KMT2D: variants seen among roughly 807,000 people sequenced by gnomAD.
KMT2D encodes lysine methyltransferase 2D.
A neutral mutation model predicts 512.7 loss-of-function variants in KMT2D; 55 were observed. The ratio of observed to expected loss-of-function variants is 0.11; its 90% CI spans 0.09 to 0.13. The LOEUF is 0.13. Ranked by LOEUF, KMT2D falls within the 10% of genes least tolerant of loss-of-function variation. KMT2D has a pLI of 1.00. For synonymous variants in KMT2D, 2,995 were observed against 2,904.0 expected (o/e 1.03, Z -1.01); for missense variants, 6,061 against 7,127.9 (o/e 0.85, Z 5.39).
Position 49,042,957 on chromosome 12 carries a change from AG to A in KMT2D, c.5645-80del, listed in dbSNP as rs1236904093. 6.9e-6 allele frequency: 11 copies of A among 1,592,764 alleles called. No homozygotes were observed. Among genetic ancestry groups the A allele is most frequent in the African/African-American group, 1.3e-5 (1 of 74,430 alleles). On this transcript the variant is annotated intron_variant, in intron 26 of 54. Transcript: ENST00000301067. This position sits in a 1 kb window ranked among gnomAD's most constrained non-coding sequence, Gnocchi z 4.4. The stretch of plus-strand genomic sequence containing the variant: ...CACAGGTCTACAAATGATCATGGCC[AG>A]GAACAGTCCAGGACTCCCCACCAGA...
At chr12:49,056,298 T>TG in intron 1 of KMT2D, among the ~76,000 whole-genome samples, 1 of 152,074 alleles carries the variant, frequency 6.6e-6, no homozygotes, top group East Asian at 1.9e-4. Context: ...CACACATACA[T>TG]GGGGGTGGGG....
rs2120611366 is a variant in KMT2D at position 49,046,695 on chromosome 12, G to C, written c.4332C>G (p.Leu1444=). The C allele has an allele frequency of 6.2e-7, 1 of 1,613,958 alleles. No homozygotes were observed. Among genetic ancestry groups the C allele is most frequent in the Non-Finnish European group, 8.5e-7 (1 of 1,179,892 alleles). ...GQASDPSRLL[L]CDDCDISYHT... ...GGTAGCTAATATCACAGTCATCACAGAGCAGCAGGCGTGAGGGGTCGGAGG... is the reference window on the plus strand; with the variant it reads ...GGTAGCTAATATCACAGTCATCACACAGCAGCAGGCGTGAGGGGTCGGAGG... The change falls in exon 16 of 55, where the codon CTC becomes CTG. Residue 1444 remains leucine, a synonymous_variant. Transcript: ENST00000301067. The surrounding 1 kb of genome is among the most constrained non-coding windows in gnomAD (Gnocchi z 4.2).
chr12:49,028,280 C>T, intron 46 of KMT2D, 139 bp from the exon 47 acceptor site: 1 of 1,043,162 alleles, frequency 9.6e-7, no homozygotes, highest in East Asian at 2.6e-5. Flanking sequence ...CAGCTCTTTT[C>T]ATACACTTCC....
At position 49,042,424 on chromosome 12, in the gene KMT2D, A is replaced by C. The variant is rs537134680; in HGVS notation, c.5868-94T>G. 1 of 1,504,138 alleles carries C rather than the reference A, an allele frequency of 6.6e-7. No homozygotes were observed. The allele number at this position is 1,504,138 out of a possible 1,614,324, so 93.2% of individuals were successfully genotyped here. On this transcript the variant is annotated intron_variant, in intron 28 of 54. Transcript: ENST00000301067. This position sits in a 1 kb window ranked among gnomAD's most constrained non-coding sequence, Gnocchi z 4.4. Reference sequence around the variant, plus strand: ...AGCCCCAGGCCACTGCCCTGCCCCAAAAGAGGAGGGTCACTAACAAGGGAA... The same window carrying C: ...AGCCCCAGGCCACTGCCCTGCCCCACAAGAGGAGGGTCACTAACAAGGGAA...
At chr12:49,031,146 A>G (rs1394793734) in intron 40 of KMT2D, 29 bp downstream of exon 40, 2 of 1,606,826 alleles carry the variant, frequency 1.2e-6, no homozygotes, top group Admixed American at 3.3e-5. Flanking sequence ...GACCCACTCT[A>G]CCTGCTCCAC....
At position 49,020,787 on chromosome 12, in the gene KMT2D, G is replaced by C. The variant is rs1942285601; in HGVS notation, c.*993C>G. On this transcript the variant is annotated 3_prime_UTR_variant, in exon 55 of 55. Coordinates refer to ENST00000301067, the MANE Select transcript of KMT2D (RefSeq NM_003482.4). ...TGGAGGGCAAACAGGCTCATGATGA[G>C]GTTGGGAAAACAGGAGGGAGATATC... 4.9e-6 allele frequency: 1 copy of C among 205,906 alleles called. No homozygotes were observed. Among genetic ancestry groups the C allele is most frequent in the Non-Finnish European group, 1.0e-5 (1 of 100,324 alleles). The allele number at this position is 205,906 out of a possible 1,614,324, so 12.8% of individuals were successfully genotyped here.
intron 38 of KMT2D, 30 bp downstream of exon 38, chr12:49,034,380 C>T (rs1943111541): frequency 2.5e-6 from 4 of 1,613,482 alleles, no homozygotes; most frequent in Non-Finnish European, 3.4e-6. Context: ...AACCACTCCC[C>T]TGCACCTTCC....
At position 49,033,875 on chromosome 12, in the gene KMT2D, C is replaced by T. The variant is rs2120448456; in HGVS notation, c.10830G>A (p.Gln3610=). The change falls in exon 40 of 55, where the codon CAG becomes CAA. Residue 3610 remains glutamine, a synonymous_variant. Transcript: ENST00000301067. The stretch of plus-strand genomic sequence containing the variant: ...GAGCCAGCACAGCTGAGTGCTGTTG[C>T]TGTTGTTGCTGCTGCTGCTGCTGTT... ...QQQQQQQQQQ[Q]QQHSAVLALS... The T allele has an allele frequency of 6.4e-7, 1 of 1,553,472 alleles. No individual in the cohort carries two copies. Among genetic ancestry groups the T allele is most frequent in the Non-Finnish European group, 8.7e-7 (1 of 1,149,626 alleles).
chr12:49,037,156 C>G lies in KMT2D; in HGVS notation c.10200G>C (p.Gln3400His), dbSNP rs2120474838. 6.3e-7 allele frequency: 1 copy of G among 1,587,908 alleles called. No homozygotes were observed. Among genetic ancestry groups the G allele is most frequent in the Non-Finnish European group, 8.6e-7 (1 of 1,161,726 alleles). The change falls in exon 35 of 55, where the codon CAG (glutamine) becomes CAC (histidine). Residue 3400 changes from glutamine (Q) to histidine (H), a missense_variant. By Grantham distance (24) the Gln-to-His change is conservative (BLOSUM62 0). This residue lies in a region of KMT2D where 533 missense variants were observed against 539.6 expected (regional missense o/e 0.99). Transcript: ENST00000301067. ...CMKPQQLAMQ[Q>H]QLANSFFPDT... ...CTGGGAAGAAGCTGTTTGCCAGCTG[C>G]TGCTGCATTGCCAATTGCTGCGGCT...
In KMT2D at chr12:49,027,070, G is replaced by A. The variant is rs773818669; in HGVS notation, c.14896C>T (p.Arg4966Trp). 2.0e-5 allele frequency: 32 copies of A among 1,613,406 alleles called. No homozygotes were observed. The highest frequency in any genetic ancestry group is 2.4e-5 in the Non-Finnish European group (28 of 1,179,586). The change falls in exon 49 of 55, where the codon CGG (arginine) becomes TGG (tryptophan). Residue 4966 changes from arginine to tryptophan, a missense_variant. By Grantham distance (101) the Arg-to-Trp change is moderately radical (BLOSUM62 -3). Around this residue, in one of 16 missense-constraint regions of KMT2D, gnomAD observed 1,600 missense variants for 1,754.9 expected, o/e 0.91. Coordinates refer to ENST00000301067, the MANE Select transcript of KMT2D (RefSeq NM_003482.4). ...PESARPKPRA[R>W]PPEEGEDSRP... ...GAATCTTCACCTTCTTCAGGGGGCC[G>A]GGCACGGGGCTTGGGTCGGGCTGAT... is the stretch of plus-strand genomic sequence containing the variant.
rs1258766001 is a variant in KMT2D at position 49,032,455 on chromosome 12, G to A, written c.12250C>T (p.Pro4084Ser). 1.9e-6 allele frequency: 3 copies of A among 1,568,070 alleles called. No individual in the cohort carries two copies. Among genetic ancestry groups the A allele is most frequent in the African/African-American group, 1.4e-5 (1 of 73,846 alleles). The stretch of plus-strand genomic sequence containing the variant: ...TGCAGCTGCAGAGAGCTGGGCTGAG[G>A]CTGGGGCTGGGGTTGGACAAGCAGG... ...QLLLVQPQPQ[P>S]QPSSLQLQPP... Residue 4084 changes from proline (P) to serine (S), a missense_variant, in exon 40 of 55, where the codon CCT becomes TCT. This residue lies in a region of KMT2D where 1,600 missense variants were observed against 1,754.9 expected (regional missense o/e 0.91). Transcript: ENST00000301067.
rs1211784174 is a variant in KMT2D, at chr12:49,035,041, G to C, written c.10232-106C>G. On this transcript the variant is annotated intron_variant, in intron 35 of 54. Coordinates refer to ENST00000301067, the MANE Select transcript of KMT2D (RefSeq NM_003482.4). ...CTTCAACCACGCCAGGCAGAACAAT[G>C]GCACGGCAAGGCAGAAAGACCACTG... 6 of 1,353,334 alleles carry C rather than the reference G, an allele frequency of 4.4e-6. No homozygotes were observed. In the African/African-American group the frequency reaches 5.7e-5, roughly 13 times the overall value. 83.8% of individuals were successfully genotyped at this position (1,353,334 alleles called of 1,614,324 possible).
rs868062595 is a variant in KMT2D at position 49,042,142 on chromosome 12, G to A, written c.6056C>T (p.Ser2019Leu). ...ATTAATGTTGGCATAGAGCACAGGT[G>A]AGATGGTGGACAGCTGGCCCAACTC... ...DEELGQLSTI[S>L]PVLYANINFP... Residue 2019 changes from serine to leucine, a missense_variant, in exon 29 of 55, where the codon TCA becomes TTA. By Grantham distance (145) the Ser-to-Leu change is moderately radical. Transcript: ENST00000301067. This position sits in a 1 kb window ranked among gnomAD's most constrained non-coding sequence, Gnocchi z 4.4. 6.2e-7 allele frequency: 1 copy of A among 1,613,540 alleles called. No homozygotes were observed. Among genetic ancestry groups the A allele is most frequent in the South Asian group, 1.1e-5 (1 of 90,946 alleles).
Position 49,026,152 on chromosome 12 carries a change from T to C in KMT2D, c.15784+30A>G, listed in dbSNP as rs1345749597. 2.0e-6 allele frequency: 3 copies of C among 1,530,592 alleles called. No individual in the cohort carries two copies. Among genetic ancestry groups the C allele is most frequent in the East Asian group, 2.3e-5 (1 of 44,076 alleles). The allele number at this position is 1,530,592 out of a possible 1,614,324, so 94.8% of individuals were successfully genotyped here. ...CCTGGGAGAAACTTTTCCCATTCCA[T>C]ATTATCCATTTCAAGGGCCCACTGC... On this transcript the variant is annotated intron_variant, in intron 49 of 54. Transcript: ENST00000301067. The surrounding 1 kb of genome is among the most constrained non-coding windows in gnomAD (Gnocchi z 9.6).
In KMT2D at chr12:49,055,350, TC is replaced by T; in HGVS notation, c.-27del. 2 of 1,609,500 alleles carry T rather than the reference TC, an allele frequency of 1.2e-6. No homozygotes were observed. On this transcript the variant is annotated 5_prime_UTR_variant, in exon 2 of 55. Transcript: ENST00000301067. Reference sequence around the variant, plus strand: ...CCCTCTCTCCGACTGGGCAGGGCCCTCTCGGGGAGACCTGTTGGTGCCAAGA... The same window carrying T: ...CCCTCTCTCCGACTGGGCAGGGCCCTTCGGGGAGACCTGTTGGTGCCAAGA...
chr12:49,030,573 T>C (rs1942850281), intron 42 of KMT2D, 28 bp downstream of exon 42: 1 of 1,538,698 alleles, frequency 6.5e-7, no homozygotes, highest in Non-Finnish European at 8.8e-7. Flanking sequence ...ACTTCACTAT[T>C]CCCAAAAAAT....
In KMT2D at chr12:49,051,828, G is replaced by A; in HGVS notation, c.1855C>T (p.Pro619Ser). 3 of 1,613,034 alleles carry A rather than the reference G, an allele frequency of 1.9e-6. No individual in the cohort carries two copies. Among genetic ancestry groups the A allele is most frequent in the Non-Finnish European group, 2.5e-6 (3 of 1,179,382 alleles). Residue 619 changes from proline (P) to serine (S), a missense_variant, in exon 11 of 55, where the codon CCA becomes TCA. By Grantham distance (74) the Pro-to-Ser change is moderately conservative (BLOSUM62 -1). Coordinates refer to ENST00000301067, the MANE Select transcript of KMT2D (RefSeq NM_003482.4). ...SPPPEESPLS[P>S]PPEASRLSPP... ...GACAGGCGTGATGCCTCAGGTGGTG[G>A]GGAAAGGGGAGACTCCTCAGGTGGA... is the stretch of plus-strand genomic sequence containing the variant.
At chr12:49,053,780 G>T in intron 6 of KMT2D, 139 bp from the exon 7 acceptor site, 1 of 1,154,954 alleles carries the variant, frequency 8.7e-7, no homozygotes, top group Non-Finnish European at 1.2e-6. Context: ...ACGTCTGCCA[G>T]CTACTGTTCT....
In KMT2D at chr12:49,039,775, C is replaced by G. The variant is rs774371343; in HGVS notation, c.7995G>C (p.Gln2665His). The change falls in exon 32 of 55, where the codon CAG becomes CAC. Residue 2665 changes from glutamine to histidine, a missense_variant. Physicochemically the swap from Gln to His is conservative, Grantham distance 24. Transcript: ENST00000301067. This position sits in a 1 kb window ranked among gnomAD's most constrained non-coding sequence, Gnocchi z 5.0. ...GGCTAAGGCCGGACATGCCTGGGTC[C>G]TGGGTACCTGGGAGTTCAGCTGTCG... ...SLATAELPGT[Q>H]DPGMSGLSQT... The G allele has an allele frequency of 6.2e-6, 10 of 1,613,930 alleles. No individual in the cohort carries two copies. The highest frequency in any genetic ancestry group is 8.5e-6 in the Non-Finnish European group (10 of 1,179,880).
Sources: allele counts gnomAD v4.1 joint callset (sites outside exome capture counted in the v4.1 genomes callset), GRCh38; gene constraint gnomAD v4.1.1; regional missense constraint gnomAD v4.1.1; non-coding constraint Gnocchi (gnomAD v3.1); transcripts MANE v1.5; gene names NCBI Gene and HGNC (gene_info 2026-07-23, HGNC 2026-07-21).